The following CLIP1 variants were observed in gnomAD, a reference collection of about 807,000 sequenced individuals.
CLIP1 encodes the protein CAP-Gly domain-containing linker protein 1.
Under a neutral mutation model 161.6 loss-of-function variants are expected in CLIP1, and 66 were observed. The observed-to-expected ratio is 0.41, with a 90% CI of 0.33 to 0.50. CLIP1 has a LOEUF of 0.50. CLIP1 is among the 20% of genes least tolerant of loss of function. The pLI is 0.27. For missense variants in CLIP1, 1,376 were observed against 1,702.0 expected (o/e 0.81, Z 3.37); for synonymous variants, 598 against 626.2 (o/e 0.96, Z 0.67).
rs751224305 is a variant in CLIP1, at chr12:122,347,354, TTAAA to T, written c.1506+17_1506+20del. ...CCTTCACATGCATGGGTCTGCTTCATTAAATAGTGAAAACCATTACCCTAGTGTC... is the reference window on the plus strand; with the variant it reads ...CCTTCACATGCATGGGTCTGCTTCATTAGTGAAAACCATTACCCTAGTGTC... On this transcript the variant is annotated intron_variant, in intron 10 of 25. Transcript: ENST00000620786. 1.3e-6 allele frequency: 2 copies of T among 1,544,736 alleles called. No homozygotes were observed. Among genetic ancestry groups the T allele is most frequent in the African/African-American group, 2.7e-5 (2 of 73,584 alleles).
At chr12:122,344,379 T>C (rs1057479495) in intron 10 of CLIP1, among the ~76,000 whole-genome samples, 45 of 152,006 alleles carry the variant, frequency 3.0e-4, no homozygotes, top group African/African-American at 9.2e-4. Flanking sequence ...GTTTGTTACG[T>C]CAAAATAACA....
In CLIP1 at chr12:122,406,729, AAAGG is replaced by A. The variant is rs1215868495; in HGVS notation, c.-107+15788_-107+15791del. ...CAAGTTGTACCTAGAGAAGTTTTAA[AAAGG>A]AAGGACAGGATTAAAAACTAACCCA... is the stretch of plus-strand genomic sequence containing the variant. On this transcript the variant is annotated intron_variant, in intron 1 of 25. Coordinates refer to ENST00000620786, the MANE Select transcript of CLIP1 (RefSeq NM_001247997.2). Among the ~76,000 whole-genome samples, 16 of 152,294 alleles carry A rather than the reference AAAGG, an allele frequency of 1.1e-4. 1 individual carries two copies. The East Asian group carries it at 2.9e-3, about 27-fold the overall frequency.
At chr12:122,363,428 G>T (rs1389273370) in intron 4 of CLIP1, among the ~76,000 whole-genome samples, 4 of 151,454 alleles carry the variant, frequency 2.6e-5, no homozygotes, top group African/African-American at 7.3e-5. Flanking sequence ...GAAGGGGGAG[G>T]TTGCATGCAC....
At chr12:122,399,306 G>A (rs1956059888) in intron 1 of CLIP1, 1 of 152,176 alleles carries the variant, frequency 6.6e-6, no homozygotes, top group Non-Finnish European at 1.5e-5. Context: ...TTCTAGTCCT[G>A]TTTTGGGTAT....
intron 5 of CLIP1, among the ~76,000 whole-genome samples, chr12:122,357,903 C>T (rs535868081): frequency 1.3e-5 from 2 of 151,952 alleles, no homozygotes; most frequent in East Asian, 3.9e-4. Flanking sequence ...AAGTGAGGAG[C>T]CCCTCTGCCC....
Position 122,361,153 on chromosome 12 carries a change from A to G in CLIP1, c.811T>C (p.Leu271=). 1.2e-6 allele frequency: 2 copies of G among 1,614,136 alleles called. No individual in the cohort carries two copies. The highest frequency in any genetic ancestry group is 1.7e-6 in the Non-Finnish European group (2 of 1,179,986). ...RYFQCQPKYG[L]FAPVHKVTKI... ...GTAACTTTGTGGACAGGAGCGAACAAGCCATATTTGGGTTGACACTGAAAA... is the reference window on the plus strand; with the variant it reads ...GTAACTTTGTGGACAGGAGCGAACAGGCCATATTTGGGTTGACACTGAAAA... The change falls in exon 5 of 26, where the codon TTG becomes CTG. Residue 271 remains leucine, a synonymous_variant. Coordinates refer to ENST00000620786, the MANE Select transcript of CLIP1 (RefSeq NM_001247997.2).
At chr12:122,273,677 C>T (rs565940652) in intron 25 of CLIP1, among the ~76,000 whole-genome samples, 60 of 152,014 alleles carry the variant, frequency 3.9e-4, no homozygotes, top group Non-Finnish European at 5.9e-4. Flanking sequence ...TTTTTACAAT[C>T]CCCTAGAGAA....
chr12:122,319,541 A>T (rs982692613), intron 17 of CLIP1, among the ~76,000 whole-genome samples, 193 bp from the exon 18 acceptor site: 3 of 152,242 alleles, frequency 2.0e-5, no homozygotes, highest in Admixed American at 1.3e-4. Context: ...TCTGAAGTAG[A>T]ATATGCAGAC....
chr12:122,298,827 C>T (rs754380781), intron 20 of CLIP1, among the ~76,000 whole-genome samples: 91 of 151,698 alleles, frequency 6.0e-4, no homozygotes, highest in Non-Finnish European at 1.2e-3. Flanking sequence ...TGGTGGTGCA[C>T]GCCAGTAGTC....
rs918850864 is a variant in CLIP1 at position 122,336,683 on chromosome 12, C to G, written c.2517G>C (p.Leu839Phe). The G allele has an allele frequency of 1.1e-5, 17 of 1,612,518 alleles. No individual in the cohort carries two copies. The East Asian group carries it at 2.9e-4, about 27-fold the overall frequency. The change falls in exon 12 of 26, where the codon TTG becomes TTC. Residue 839 changes from leucine to phenylalanine, a missense_variant. Leu to Phe is a conservative substitution (Grantham distance 22, BLOSUM62 0). Coordinates refer to ENST00000620786, the MANE Select transcript of CLIP1 (RefSeq NM_001247997.2). The stretch of plus-strand genomic sequence containing the variant: ...TCTCTTTCACTTGACTGACTTCACT[C>G]AAATTTTCCTGAAGGTTAGTAAGCT... ...ELKLTNLQEN[L>F]SEVSQVKETL...
chr12:122,334,540 G>A, intron 13 of CLIP1, 108 bp downstream of exon 13: 1 of 749,216 alleles, frequency 1.3e-6, no homozygotes. Context: ...TTCCAGGAGA[G>A]TGAAATTAGG....
chr12:122,354,891 C>A, intron 6 of CLIP1: 1 of 594,554 alleles, frequency 1.7e-6, no homozygotes, highest in Non-Finnish European at 3.0e-6. Context: ...GACCCGGACA[C>A]AAAGACCAAA....
rs1470156927 is a variant in CLIP1 at position 122,323,999 on chromosome 12, A to G, written c.3249+3948T>C. On this transcript the variant is annotated intron_variant, in intron 17 of 25. Transcript: ENST00000620786. The surrounding 1 kb of genome is among the most constrained non-coding windows in gnomAD (Gnocchi z 4.1). Reference sequence around the variant, plus strand: ...CTGCATGCTCACCTTGGAAGCTTGCAAAGAGTCATTTTCCACATTTATCTT... The same window carrying G: ...CTGCATGCTCACCTTGGAAGCTTGCGAAGAGTCATTTTCCACATTTATCTT... 1 of 152,662 alleles carries G rather than the reference A, an allele frequency of 6.6e-6. No homozygotes were observed. Among genetic ancestry groups the G allele is most frequent in the Non-Finnish European group, 1.5e-5 (1 of 68,048 alleles). 9.5% of individuals were successfully genotyped at this position (152,662 alleles called of 1,614,324 possible). A position where few individuals can be genotyped will look rare whatever the true frequency, so the allele number is the denominator to read the frequency against.
chr12:122,415,590 G>A (rs1318578772), intron 1 of CLIP1, among the ~76,000 whole-genome samples: 2 of 152,098 alleles, frequency 1.3e-5, no homozygotes, highest in East Asian at 1.9e-4. Context: ...AGGCCAAGGC[G>A]GGTGGATCAC....
intron 3 of CLIP1, chr12:122,365,577 C>G: frequency 7.9e-7 from 1 of 1,271,134 alleles, no homozygotes; most frequent in South Asian, 1.2e-5. Context: ...TTTGTGAGAA[C>G]CAATGGGAAG....
Position 122,275,642 on chromosome 12 carries a change from G to GCACA in CLIP1, c.3967-1481_3967-1480insTGTG, listed in dbSNP as rs1391112059. Reference sequence around the variant, plus strand: ...GAAAAAAATACACACACACACACACGCGCACACACACACACACACACACAC... The same window carrying GCACA: ...GAAAAAAATACACACACACACACACGCACACGCACACACACACACACACACACAC... On this transcript the variant is annotated intron_variant, in intron 24 of 25. Transcript: ENST00000620786. 725 of 110,002 alleles carry GCACA rather than the reference G, an allele frequency of 6.6e-3. 7 individuals are homozygous for GCACA. The highest frequency in any genetic ancestry group is 0.025 in the South Asian group (96 of 3,894). 6.8% of individuals were successfully genotyped at this position (110,002 alleles called of 1,614,324 possible).
intron 20 of CLIP1, among the ~76,000 whole-genome samples, chr12:122,304,133 C>T (rs1295115935): frequency 6.6e-6 from 1 of 152,196 alleles, no homozygotes; most frequent in Non-Finnish European, 1.5e-5. Flanking sequence ...TTGGTAAAAT[C>T]CTGCGGTGGT....
chr12:122,334,571 T>A, intron 13 of CLIP1, 77 bp downstream of exon 13: 1 of 957,618 alleles, frequency 1.0e-6, no homozygotes, highest in East Asian at 2.6e-5. Context: ...TGTAACTCTG[T>A]GCACTCCACA....
At chr12:122,314,337 G>A (rs934348118) in intron 19 of CLIP1, among the ~76,000 whole-genome samples, 5 of 151,184 alleles carry the variant, frequency 3.3e-5, no homozygotes, top group Non-Finnish European at 7.4e-5. Context: ...TGGGCATGGC[G>A]ACGCGCGCCT....
Sources: gnomAD v4.1 joint callset for allele counts (sites outside exome capture counted in the v4.1 genomes callset) on GRCh38, gnomAD v4.1.1 for gene constraint, Gnocchi (gnomAD v3.1) non-coding constraint, MANE v1.5 for transcripts, NCBI Gene and HGNC (gene_info 2026-07-23, HGNC 2026-07-21) for gene names.